DLC1: variants seen among roughly 807,000 people sequenced by gnomAD.
DLC1 encodes the protein DLC1 Rho GTPase activating protein.
In DLC1, 54 loss-of-function variants were observed where a neutral mutation model predicts 140.3. The ratio of observed to expected loss-of-function variants is 0.38; its 90% CI spans 0.31 to 0.48. DLC1 has a LOEUF of 0.48. Ranked by LOEUF, DLC1 falls within the 20% of genes least tolerant of loss-of-function variation. DLC1 has a pLI of 0.96. For synonymous variants in DLC1, 986 were observed against 728.1 expected, an observed-to-expected ratio of 1.35 and a Z score of -5.70; for missense variants, 2,536 against 1,907.0, an observed-to-expected ratio of 1.33 and a Z score of -6.14.
At chr8:13,289,858 A>T (rs886103613) in intron 5 of DLC1, among the ~76,000 whole-genome samples, 10 of 152,168 alleles carry the variant, frequency 6.6e-5, no homozygotes, top group Admixed American at 1.3e-4. Context: ...ATGTCTGCAT[A>T]TGGAATTATT....
chr8:13,300,714 T>C (rs929429817), intron 5 of DLC1, among the ~76,000 whole-genome samples: 1 of 152,160 alleles, frequency 6.6e-6, no homozygotes, highest in Non-Finnish European at 1.5e-5. Context: ...TGGCCATGTA[T>C]GGACAGGTCA....
At position 13,096,997 on chromosome 8, in the gene DLC1, C is replaced by T. The variant is rs527276526; in HGVS notation, c.3167+1402G>A. Among the ~76,000 whole-genome samples, 5 of 152,092 alleles carry T rather than the reference C, an allele frequency of 3.3e-5. No homozygotes were observed. The East Asian group carries it at 9.7e-4, about 29-fold the overall frequency. On this transcript the variant is annotated intron_variant, in intron 10 of 17. Coordinates refer to ENST00000276297, the MANE Select transcript of DLC1 (RefSeq NM_182643.3). ...TGATAGCAGAAAAATTAAGATGTAC[C>T]CAGATTAGGTGATATCCATGACCCA...
chr8:13,223,232 A>T (rs1828643451), intron 5 of DLC1, among the ~76,000 whole-genome samples: 1 of 151,966 alleles, frequency 6.6e-6, no homozygotes. Context: ...CAGTACACAT[A>T]GTTGGAATTC....
At chr8:13,422,056 T>C (rs1218256937) in intron 2 of DLC1, among the ~76,000 whole-genome samples, 1 of 152,124 alleles carries the variant, frequency 6.6e-6, no homozygotes, top group Non-Finnish European at 1.5e-5. Flanking sequence ...ATCAATTGTA[T>C]AAGTACAAAT....
intron 3 of DLC1, among the ~76,000 whole-genome samples, chr8:13,395,034 C>CTATCTATCTATCT (rs1554511814): frequency 6.0e-4 from 71 of 117,526 alleles, no homozygotes; most frequent in East Asian, 1.7e-3. Context: ...ATCTATCTAT[C>CTATCTATCTATCT]ATCTATCTAT....
At chr8:13,575,607 C>A (rs1014884450) in intron 1 of DLC1, among the ~76,000 whole-genome samples, 2 of 152,074 alleles carry the variant, frequency 1.3e-5, no homozygotes, top group African/African-American at 4.8e-5. Context: ...AAAATGCAGT[C>A]CTAATTTTTA....
intron 4 of DLC1, among the ~76,000 whole-genome samples, chr8:13,372,862 A>G (rs1835791316): frequency 6.6e-6 from 1 of 152,164 alleles, no homozygotes; most frequent in African/African-American, 2.4e-5. Flanking sequence ...TTTATAATAA[A>G]TGTTCTTTGG....
chr8:13,507,796 G>C (rs1384616661), intron 1 of DLC1, among the ~76,000 whole-genome samples: 1 of 152,100 alleles, frequency 6.6e-6, no homozygotes, highest in Non-Finnish European at 1.5e-5. Context: ...CCAAATTAAA[G>C]AATAAGTCAT....
intron 5 of DLC1, among the ~76,000 whole-genome samples, chr8:13,297,285 A>AAAAAAAAAAAAAAAAAAAAAAAAAAC (rs1381066075): frequency 7.1e-6 from 1 of 140,558 alleles, no homozygotes; most frequent in African/African-American, 2.6e-5. Context: ...CATACATTAA[A>AAAAAAAAAAAAAAAAAAAAAAAAAAC]AAAAAAAAAA....
At chr8:13,353,865 A>G (rs1834797415) in intron 4 of DLC1, among the ~76,000 whole-genome samples, 1 of 152,072 alleles carries the variant, frequency 6.6e-6, no homozygotes, top group African/African-American at 2.4e-5. Context: ...CTGGAAAAAA[A>G]AAAAAAAAGA....
chr8:13,305,529 T>G (rs1832383745), intron 4 of DLC1, among the ~76,000 whole-genome samples: 1 of 152,194 alleles, frequency 6.6e-6, no homozygotes, highest in Admixed American at 6.6e-5. Context: ...TGAATGCACA[T>G]CCATATTATC....
chr8:13,239,925 A>G (rs187343343), intron 5 of DLC1, among the ~76,000 whole-genome samples: 18 of 152,314 alleles, frequency 1.2e-4, no homozygotes, highest in Non-Finnish European at 5.9e-5. Flanking sequence ...GCATTTCTGT[A>G]ATGCTTGTTC....
At chr8:13,248,154 C>G (rs1261553413) in intron 5 of DLC1, among the ~76,000 whole-genome samples, 3 of 152,202 alleles carry the variant, frequency 2.0e-5, no homozygotes, top group Non-Finnish European at 2.9e-5. Context: ...GTGATGTTGT[C>G]CAGCACTCCT....
chr8:13,276,480 C>T (rs1186884072), intron 5 of DLC1: 1 of 1,334,460 alleles, frequency 7.5e-7, no homozygotes, highest in Non-Finnish European at 9.5e-7. Flanking sequence ...CTCCCGGCCG[C>T]AGGCTGTCGC....
At chr8:13,410,466 G>A (rs925437446) in intron 2 of DLC1, among the ~76,000 whole-genome samples, 3 of 151,892 alleles carry the variant, frequency 2.0e-5, no homozygotes, top group African/African-American at 4.8e-5. Context: ...AGAATAATAC[G>A]AAAATCTGAT....
chr8:13,361,214 G>C (rs978274393), intron 4 of DLC1, among the ~76,000 whole-genome samples: 1 of 151,994 alleles, frequency 6.6e-6, no homozygotes, highest in Non-Finnish European at 1.5e-5. Context: ...CCTGGGCGAC[G>C]GAGTGAGACC....
At chr8:13,262,685 CA>C (rs1483510943) in intron 5 of DLC1, among the ~76,000 whole-genome samples, 1 of 152,160 alleles carries the variant, frequency 6.6e-6, no homozygotes, top group Non-Finnish European at 1.5e-5. Flanking sequence ...CTCGGCCTCC[CA>C]AGGTGCTGGG....
At chr8:13,391,518 A>T (rs1836760631) in intron 4 of DLC1, among the ~76,000 whole-genome samples, 2 of 152,364 alleles carry the variant, frequency 1.3e-5, no homozygotes, top group Middle Eastern at 6.8e-3. Context: ...AAACAAAAAA[A>T]AATTGAAGAA....
chr8:13,297,567 A>G (rs1832014001), intron 5 of DLC1, among the ~76,000 whole-genome samples: 1 of 152,132 alleles, frequency 6.6e-6, no homozygotes, highest in South Asian at 2.1e-4. Flanking sequence ...CAATAATACC[A>G]GGCATTGGGA....
Sources: allele counts gnomAD v4.1 joint callset (sites outside exome capture counted in the v4.1 genomes callset), GRCh38; gene constraint gnomAD v4.1.1; transcripts MANE v1.5; gene names NCBI Gene and HGNC (gene_info 2026-07-23, HGNC 2026-07-21).